The following FOCAD variants were observed in gnomAD, a reference collection of about 807,000 sequenced individuals.
FOCAD encodes focadhesin, also known as KIAA1797.
Under a neutral mutation model 225.6 loss-of-function variants are expected in FOCAD, and 198 were observed. That is an observed-to-expected ratio of 0.88 (90% CI 0.78 to 0.99). The LOEUF (loss-of-function observed/expected upper bound fraction) is 0.99. Among genes scored for constraint, FOCAD ranks in the 50% least tolerant of loss-of-function variants. The pLI, the probability that FOCAD is intolerant of heterozygous loss-of-function variation, is 0.00. For missense variants in FOCAD, 2,713 were observed against 2,123.6 expected, an observed-to-expected ratio of 1.28 and a Z score of -5.46; for synonymous variants, 897 against 755.0, an observed-to-expected ratio of 1.19 and a Z score of -3.08.
At chr9:20,968,030 T>G (rs1312255257) in intron 35 of FOCAD, among the ~76,000 whole-genome samples, 1 of 152,178 alleles carries the variant, frequency 6.6e-6, no homozygotes, top group Non-Finnish European at 1.5e-5. Context: ...TGAGAAAGAT[T>G]GGTGTTAATT....
chr9:20,948,741 T>C, intron 31 of FOCAD, 110 bp from the exon 32 acceptor site: 1 of 1,180,120 alleles, frequency 8.5e-7, no homozygotes, highest in Non-Finnish European at 1.2e-6. Flanking sequence ...GTTGACCCTA[T>C]AAGTTTGGTA....
chr9:20,679,837 G>T (rs1043031920), upstream of FOCAD, among the ~76,000 whole-genome samples: 1 of 152,150 alleles, frequency 6.6e-6, no homozygotes, highest in Non-Finnish European at 1.5e-5. Flanking sequence ...AGTGAAATTT[G>T]CGTCTGAGCT....
chr9:20,768,151 T>C (rs930544067), intron 7 of FOCAD, among the ~76,000 whole-genome samples: 1 of 149,030 alleles, frequency 6.7e-6, no homozygotes, highest in African/African-American at 2.5e-5. Context: ...TGCGGCGTTA[T>C]TTCTGAGGGC....
At chr9:20,905,400 G>A (rs764826834) in intron 21 of FOCAD, among the ~76,000 whole-genome samples, 1 of 151,878 alleles carries the variant, frequency 6.6e-6, no homozygotes, top group South Asian at 2.1e-4. Context: ...AGTTTAAAAA[G>A]CATTTGTGAG....
chr9:20,789,293 A>T, intron 10 of FOCAD, 58 bp from the exon 11 acceptor site: 1 of 1,550,366 alleles, frequency 6.5e-7, no homozygotes, highest in Non-Finnish European at 8.8e-7. Context: ...CCAGAAACAT[A>T]TTTCTGACAA....
rs182399449 is a variant in FOCAD, at chr9:20,866,920, C to T, written c.2107-9C>T. 2.9e-3 allele frequency: 472 copies of T among 163,560 alleles called. 13 individuals are homozygous for T. The Admixed American group carries it at 0.036, about 12-fold the overall frequency. 10.1% of individuals were successfully genotyped at this position (163,560 alleles called of 1,614,324 possible). A position where few individuals can be genotyped will look rare whatever the true frequency, so the allele number is the denominator to read the frequency against. ...TTTTTTTTTTTTTTTTTTTTTTTAC[C>T]CTATCTAGGACCCAATTGTAGCAAA... On this transcript the variant is annotated splice_polypyrimidine_tract_variant and intron_variant, in intron 17 of 43. Coordinates refer to ENST00000338382, the MANE Select transcript of FOCAD (RefSeq NM_001375567.1).
rs1825243527 is a variant in FOCAD at position 20,715,332 on chromosome 9, C to T, written c.-22C>T. ...TTGTTTTGGTTACAGAAGCTGCACA[C>T]ATACATGTAAGAGAAGCAAAAATGT... On this transcript the variant is annotated 5_prime_UTR_variant, in exon 2 of 44. Coordinates refer to ENST00000338382, the MANE Select transcript of FOCAD (RefSeq NM_001375567.1). The T allele has an allele frequency of 6.7e-7, 1 of 1,492,164 alleles. No individual in the cohort carries two copies. Among genetic ancestry groups the T allele is most frequent in the Non-Finnish European group, 9.0e-7 (1 of 1,109,354 alleles). 92.4% of individuals were successfully genotyped at this position (1,492,164 alleles called of 1,614,324 possible).
chr9:20,909,399 T>C (rs1833251187), intron 22 of FOCAD, among the ~76,000 whole-genome samples: 1 of 152,080 alleles, frequency 6.6e-6, no homozygotes, highest in Non-Finnish European at 1.5e-5. Flanking sequence ...TTTTCCACTG[T>C]GACATGTATT....
At chr9:20,982,469 C>G in intron 39 of FOCAD, 23 bp downstream of exon 39, 10 of 1,566,496 alleles carry the variant, frequency 6.4e-6, no homozygotes, top group Non-Finnish European at 8.8e-6. Flanking sequence ...CTTTCTATAC[C>G]TTTTTTCATT....
intron 4 of FOCAD, among the ~76,000 whole-genome samples, chr9:20,739,832 G>A (rs985079839): frequency 9.2e-5 from 14 of 151,856 alleles, no homozygotes; most frequent in African/African-American, 3.1e-4. Flanking sequence ...TGCTTCCCTG[G>A]CCCACTTTTT....
intron 17 of FOCAD, among the ~76,000 whole-genome samples, chr9:20,866,340 A>G (rs1240224979): frequency 6.6e-6 from 1 of 151,992 alleles, no homozygotes; most frequent in Non-Finnish European, 1.5e-5. Context: ...GTTGTTTCCA[A>G]TCAAGGATTA....
Position 20,717,814 on chromosome 9 carries a change from T to G in FOCAD, c.78T>G (p.Ala26=), listed in dbSNP as rs757204204. 27 of 1,612,372 alleles carry G rather than the reference T, an allele frequency of 1.7e-5. No homozygotes were observed. In the South Asian group the frequency reaches 2.7e-4, roughly 16 times the overall value. ...TTAAGGCTGTGGGTCATCTTATTGC[T>G]GCAGTCCTAAAGGAAAATGGTTTTT... The part of the protein sequence containing the change: ...IQSQAVGHLI[A]AVLKENGFSE... The change falls in exon 3 of 44, where the codon GCT becomes GCG. Residue 26 remains alanine, a synonymous_variant. Coordinates refer to ENST00000338382, the MANE Select transcript of FOCAD (RefSeq NM_001375567.1).
At chr9:20,746,635 A>G (rs1018812279) in intron 5 of FOCAD, among the ~76,000 whole-genome samples, 17 of 152,202 alleles carry the variant, frequency 1.1e-4, no homozygotes, top group Non-Finnish European at 2.2e-4. Flanking sequence ...AGTAGATTGG[A>G]AACATTCAAG....
chr9:20,767,294 T>G (rs1223026416), intron 7 of FOCAD, among the ~76,000 whole-genome samples: 2 of 149,928 alleles, frequency 1.3e-5, no homozygotes, highest in African/African-American at 4.9e-5. Flanking sequence ...TACGTGTGCA[T>G]GTGTCTTTAT....
chr9:20,976,333 C>T (rs1392299305), intron 35 of FOCAD, 87 bp from the exon 36 acceptor site: 1 of 1,283,662 alleles, frequency 7.8e-7, no homozygotes. Flanking sequence ...TCCTTTGATG[C>T]TAGAAGGAAA....
chr9:20,720,642 C>A, intron 4 of FOCAD, 108 bp downstream of exon 4: 3 of 1,122,272 alleles, frequency 2.7e-6, no homozygotes, highest in Middle Eastern at 4.2e-4. Flanking sequence ...AGTTGTTTTT[C>A]TTGCTCTTAA....
intron 11 of FOCAD, among the ~76,000 whole-genome samples, chr9:20,818,631 T>C (rs1024854289): frequency 6.6e-6 from 1 of 152,130 alleles, no homozygotes. Context: ...GACTCTTCTT[T>C]CCTTATTGTT....
chr9:20,757,223 C>G (rs922542159), intron 5 of FOCAD, among the ~76,000 whole-genome samples: 7 of 152,232 alleles, frequency 4.6e-5, no homozygotes, highest in Admixed American at 4.6e-4. Context: ...GCCACCGCGT[C>G]CAGCCTTAAA....
At position 20,821,056 on chromosome 9, in the gene FOCAD, A is replaced by G; in HGVS notation, c.1778A>G (p.Asp593Gly). ...KLIAKAASIR[D>G]ICKQRPYQHG... is the part of the protein sequence containing the mutation. ...ATTGCAAAAGCAGCATCAATCAGAG[A>G]TATATGTAAGCAGAGGTATGATGTC... The change falls in exon 14 of 44, where the codon GAT becomes GGT. Residue 593 changes from aspartate to glycine, a missense_variant. Transcript: ENST00000338382. 1 of 1,612,500 alleles carries G rather than the reference A, an allele frequency of 6.2e-7. No individual in the cohort carries two copies.
Sources: gnomAD v4.1 joint callset for allele counts (sites outside exome capture counted in the v4.1 genomes callset) on GRCh38, gnomAD v4.1.1 for gene constraint, MANE v1.5 for transcripts, NCBI Gene and HGNC (gene_info 2026-07-23, HGNC 2026-07-21) for gene names.